Variants in RIMKLB observed in about 807,000 individuals in gnomAD.
The protein encoded by RIMKLB is beta-citrylglutamate synthase B.
In RIMKLB, 7 loss-of-function variants were observed where a neutral mutation model predicts 32.0. The observed-to-expected ratio is 0.22, with a 90% confidence interval of 0.12 to 0.41. The LOEUF (loss-of-function observed/expected upper bound fraction) is 0.41, where lower values mean the gene tolerates loss of function less well. RIMKLB is among the 10% of genes least tolerant of loss of function. The probability of loss-of-function intolerance (pLI) is 1.00; values close to 1 mark genes in which losing one functional copy is unlikely to be tolerated. For synonymous variants in RIMKLB, 172 were observed against 185.1 expected, an observed-to-expected ratio of 0.93 and a Z score of 0.57; for missense variants, 289 against 498.7, an observed-to-expected ratio of 0.58 and a Z score of 4.00.
intron 5 of RIMKLB, among the ~76,000 whole-genome samples, 158 bp downstream of exon 5, chr12:8,754,251 T>C (rs1948843270): frequency 6.6e-6 from 1 of 151,470 alleles, no homozygotes; most frequent in Non-Finnish European, 1.5e-5. Context: ...TCAATGTAAT[T>C]AAACTCTTGA....
intron 5 of RIMKLB, among the ~76,000 whole-genome samples, chr12:8,760,190 C>T (rs112393687): frequency 3.9e-5 from 6 of 151,984 alleles, no homozygotes; most frequent in African/African-American, 7.2e-5. Flanking sequence ...TAAGAACATG[C>T]GGTGTTTGGT....
At chr12:8,682,159 A>T (rs1312168467) in intron 1 of RIMKLB, among the ~76,000 whole-genome samples, 2 of 152,220 alleles carry the variant, frequency 1.3e-5, no homozygotes, top group Non-Finnish European at 2.9e-5. Context: ...TACATGCATT[A>T]AAAAACACAT....
intron 2 of RIMKLB, among the ~76,000 whole-genome samples, chr12:8,719,025 C>A (rs1441454854): frequency 6.6e-6 from 1 of 152,078 alleles, no homozygotes; most frequent in Non-Finnish European, 1.5e-5. Flanking sequence ...TCTGGCTGTT[C>A]ATTCCTTTCT....
chr12:8,742,507 TA>T (rs1947653157), intron 2 of RIMKLB: 18 of 417,664 alleles, frequency 4.3e-5, no homozygotes, highest in Admixed American at 4.3e-4. Flanking sequence ...GGAACCCACT[TA>T]GGGGGCACCA....
intron 2 of RIMKLB, chr12:8,742,743 C>T (rs2137540575): frequency 4.2e-6 from 1 of 235,534 alleles, no homozygotes; most frequent in East Asian, 1.2e-4. Context: ...GGTTGCTTGA[C>T]TCTTGGAACC....
At chr12:8,750,317 T>C (rs774639419) in intron 3 of RIMKLB, among the ~76,000 whole-genome samples, 1 of 152,208 alleles carries the variant, frequency 6.6e-6, no homozygotes, top group Non-Finnish European at 1.5e-5. Context: ...TTTTAGGTTT[T>C]ATAAGCCATT....
chr12:8,673,239 A>G, the RIMKLB span, among the ~76,000 whole-genome samples: 2 of 152,054 alleles, frequency 1.3e-5, no homozygotes, highest in Non-Finnish European at 2.9e-5. Context: ...TGACAGAGCT[A>G]TGCTGAGAGC....
At chr12:8,675,423 C>T in the RIMKLB span, among the ~76,000 whole-genome samples, 21 of 152,068 alleles carry the variant, frequency 1.4e-4, no homozygotes, top group South Asian at 2.1e-4. Context: ...GGTTTTGGCC[C>T]GGCCACCTCT....
intron 5 of RIMKLB, among the ~76,000 whole-genome samples, chr12:8,765,924 G>C (rs1771375518): frequency 6.6e-6 from 1 of 152,094 alleles, no homozygotes; most frequent in Non-Finnish European, 1.5e-5. Flanking sequence ...AGGTCTAGCT[G>C]TAAGATGTTA....
intron 5 of RIMKLB, among the ~76,000 whole-genome samples, chr12:8,754,932 G>A (rs80170700): frequency 0.017 from 2,572 of 152,116 alleles, 72 homozygotes; most frequent in African/African-American, 0.058. Flanking sequence ...CGAGACCACA[G>A]GCACATGCCA....
At chr12:8,772,519 G>T (rs185823849) in intron 5 of RIMKLB, among the ~76,000 whole-genome samples, 2 of 152,278 alleles carry the variant, frequency 1.3e-5, no homozygotes, top group African/African-American at 4.8e-5. Context: ...TAATTCACGG[G>T]CCAGTCTTCT....
intron 2 of RIMKLB, among the ~76,000 whole-genome samples, chr12:8,726,615 A>G (rs1591762761): frequency 6.8e-6 from 1 of 147,342 alleles, no homozygotes; most frequent in African/African-American, 2.5e-5. Context: ...TAAACTTTTA[A>G]TTCTTTTATT....
intron 7 of RIMKLB, among the ~76,000 whole-genome samples, chr12:8,782,634 G>A (rs1951159979): frequency 6.6e-6 from 1 of 152,012 alleles, no homozygotes; most frequent in South Asian, 2.1e-4. Flanking sequence ...TGGGAAATAA[G>A]GTTGCTCTTG....
chr12:8,731,986 T>TA, intron 2 of RIMKLB, among the ~76,000 whole-genome samples: 1 of 152,268 alleles, frequency 6.6e-6, no homozygotes, highest in East Asian at 1.9e-4. Context: ...AGGCTTATTT[T>TA]AGAGTATGAA....
intron 1 of RIMKLB, among the ~76,000 whole-genome samples, chr12:8,683,422 G>A (rs145578033): frequency 5.3e-5 from 8 of 152,296 alleles, no homozygotes; most frequent in African/African-American, 1.7e-4. Context: ...CCAGCATTTG[G>A]TGGTGTCCGT....
intron 4 of RIMKLB, among the ~76,000 whole-genome samples, 172 bp from the exon 5 acceptor site, chr12:8,753,716 CTT>C (rs1323983877): frequency 6.6e-6 from 1 of 151,860 alleles, no homozygotes; most frequent in Non-Finnish European, 1.5e-5. Context: ...TTTACCTTGT[CTT>C]TATATATTTT....
At chr12:8,702,931 C>T (rs781085680) in intron 1 of RIMKLB, among the ~76,000 whole-genome samples, 1 of 152,338 alleles carries the variant, frequency 6.6e-6, no homozygotes, top group African/African-American at 2.4e-5. Flanking sequence ...TAGGAACTGT[C>T]TTCTGTGCCA....
At chr12:8,684,178 CTCT>C (rs780040990) in intron 1 of RIMKLB, among the ~76,000 whole-genome samples, 33 of 149,846 alleles carry the variant, frequency 2.2e-4, no homozygotes, top group Non-Finnish European at 4.3e-4. Context: ...TCTAAATTTT[CTCT>C]TTTTTTTTTT....
chr12:8,728,305 G>A (rs1430094542), intron 2 of RIMKLB, among the ~76,000 whole-genome samples: 2 of 152,090 alleles, frequency 1.3e-5, no homozygotes, highest in African/African-American at 4.8e-5. Context: ...GTATTTTTTG[G>A]TTGAAAGGTG....
Sources: allele counts gnomAD v4.1 joint callset (sites outside exome capture counted in the v4.1 genomes callset), GRCh38; gene constraint gnomAD v4.1.1; transcripts MANE v1.5; gene names NCBI Gene and HGNC (gene_info 2026-07-23, HGNC 2026-07-21).